AIG1: variants seen among roughly 807,000 people sequenced by gnomAD.
The protein encoded by AIG1 is androgen induced 1.
In AIG1, 23 loss-of-function variants were observed where a neutral mutation model predicts 31.4. The observed-to-expected ratio is 0.73, with a 90% CI of 0.53 to 1.04. The LOEUF (loss-of-function observed/expected upper bound fraction) is 1.04, where lower values mean the gene tolerates loss of function less well. AIG1 is among the 50% of genes least tolerant of loss of function. AIG1 has a pLI of 0.00. For missense variants in AIG1, 274 were observed against 295.0 expected, an observed-to-expected ratio of 0.93 and a Z score of 0.52; for synonymous variants, 100 against 110.5, an observed-to-expected ratio of 0.90 and a Z score of 0.60.
At chr6:143,251,127 A>T (rs529554003) in intron 3 of AIG1, among the ~76,000 whole-genome samples, 1 of 152,330 alleles carries the variant, frequency 6.6e-6, no homozygotes, top group East Asian at 1.9e-4. Flanking sequence ...ATCTCGGCTC[A>T]CTGAGACCTG....
intron 2 of AIG1, among the ~76,000 whole-genome samples, chr6:143,143,528 A>AATATATATATATATAT (rs1245695724): frequency 5.6e-3 from 155 of 27,692 alleles, no homozygotes; most frequent in South Asian, 0.014. Flanking sequence ...AAAAAAAAAA[A>AATATATATATATATAT]ATATATATAT....
At chr6:143,282,071 A>G (rs756549161) in intron 3 of AIG1, among the ~76,000 whole-genome samples, 6 of 152,234 alleles carry the variant, frequency 3.9e-5, no homozygotes, top group Non-Finnish European at 7.3e-5. Flanking sequence ...ATATGCATAC[A>G]TTTTATCACT....
In AIG1 at chr6:143,340,704, C is replaced by A. The variant is rs1332292917; in HGVS notation, c.*1028C>A. 6.6e-6 allele frequency among the ~76,000 whole-genome samples: 1 copy of A among 151,940 alleles called. No homozygotes were observed. Among genetic ancestry groups the A allele is most frequent in the African/African-American group, 2.4e-5 (1 of 41,348 alleles). ...GTCTCGATCTCCTGACCTTGTGATCCACACGCCTCGGCCTCCCAAAGTGCT... is the reference window on the plus strand; with the variant it reads ...GTCTCGATCTCCTGACCTTGTGATCAACACGCCTCGGCCTCCCAAAGTGCT... On this transcript the variant is annotated 3_prime_UTR_variant, in exon 6 of 6. Coordinates refer to ENST00000357847, the MANE Select transcript of AIG1 (RefSeq NM_016108.4).
At chr6:143,182,062 A>C (rs1348897229) in intron 3 of AIG1, among the ~76,000 whole-genome samples, 1 of 151,114 alleles carries the variant, frequency 6.6e-6, no homozygotes, top group East Asian at 1.9e-4. Context: ...ACTTTGTTGC[A>C]CAGCCCAGGC....
intron 3 of AIG1, among the ~76,000 whole-genome samples, chr6:143,249,200 A>G (rs1008088572): frequency 1.3e-5 from 2 of 152,254 alleles, no homozygotes; most frequent in African/African-American, 2.4e-5. Flanking sequence ...ACATCCAGGT[A>G]TAGAGTTGTC....
intron 3 of AIG1, among the ~76,000 whole-genome samples, chr6:143,237,446 G>C (rs1793892176): frequency 6.6e-6 from 1 of 152,170 alleles, no homozygotes; most frequent in South Asian, 2.1e-4. Context: ...CATTATGCTA[G>C]GGACTGGGGC....
At chr6:143,220,864 A>C (rs1486276496) in intron 3 of AIG1, among the ~76,000 whole-genome samples, 1 of 152,164 alleles carries the variant, frequency 6.6e-6, no homozygotes, top group Non-Finnish European at 1.5e-5. Flanking sequence ...ATCTACCACT[A>C]TGCATCTTTC....
upstream of AIG1, among the ~76,000 whole-genome samples, chr6:143,059,830 G>C (rs1776095197): frequency 6.6e-6 from 1 of 152,172 alleles, no homozygotes; most frequent in Non-Finnish European, 1.5e-5. Context: ...TTCATAATCC[G>C]AACCTGCAAC....
rs567060277 is a variant in AIG1, at chr6:143,265,908, A to G, written c.400-18202A>G. 9.8e-4 allele frequency among the ~76,000 whole-genome samples: 150 copies of G among 152,358 alleles called. 1 individual carries two copies. The highest frequency in any genetic ancestry group is 1.8e-3 in the Non-Finnish European group (123 of 68,038). On this transcript the variant is annotated intron_variant, in intron 3 of 5. Coordinates refer to ENST00000357847, the MANE Select transcript of AIG1 (RefSeq NM_016108.4). ...ACATTCCTTCCCAGCTGTTCCTTCA[A>G]GGTGCATTTCATTTCCTCAATCTCT...
intron 1 of AIG1, among the ~76,000 whole-genome samples, chr6:143,127,207 A>G (rs184434115): frequency 6.0e-4 from 91 of 152,288 alleles, no homozygotes; most frequent in African/African-American, 2.1e-3. Flanking sequence ...TTTTATCCTC[A>G]TATGGGGACT....
At chr6:143,179,544 A>G (rs1788525326) in intron 3 of AIG1, among the ~76,000 whole-genome samples, 1 of 152,234 alleles carries the variant, frequency 6.6e-6, no homozygotes, top group Non-Finnish European at 1.5e-5. Flanking sequence ...GAAAGCTTAC[A>G]GGATCTGAAA....
Position 143,338,188 on chromosome 6 carries a change from C to A in AIG1, c.680-1451C>A. The A allele has an allele frequency of 2.5e-6, 1 of 395,684 alleles. No individual in the cohort carries two copies. The highest frequency in any genetic ancestry group is 4.5e-6 in the Non-Finnish European group (1 of 224,680). 24.5% of individuals were successfully genotyped at this position (395,684 alleles called of 1,614,324 possible). A position where few individuals can be genotyped will look rare whatever the true frequency, so the allele number is the denominator to read the frequency against. The stretch of plus-strand genomic sequence containing the variant: ...CACAGGAGAGGGAATATGGACAGAG[C>A]TGAGGTTCAAGACACATGTGCTGTT... On this transcript the variant is annotated intron_variant, in intron 5 of 5. Coordinates refer to ENST00000357847, the MANE Select transcript of AIG1 (RefSeq NM_016108.4). This position sits in a 1 kb window ranked among gnomAD's most constrained non-coding sequence, Gnocchi z 4.3.
At chr6:143,316,075 G>T (rs1775718578) in intron 4 of AIG1, among the ~76,000 whole-genome samples, 1 of 152,028 alleles carries the variant, frequency 6.6e-6, no homozygotes, top group Admixed American at 6.6e-5. Context: ...TCAGCAGCAT[G>T]GCAGAATAGG....
chr6:143,106,479 A>G (rs1386614321), intron 1 of AIG1, among the ~76,000 whole-genome samples: 1 of 152,208 alleles, frequency 6.6e-6, no homozygotes, highest in African/African-American at 2.4e-5. Context: ...GGCACTCTAC[A>G]TTCATTGAGG....
intron 5 of AIG1, among the ~76,000 whole-genome samples, chr6:143,337,219 C>CA (rs538565893): frequency 9.7e-4 from 147 of 152,314 alleles, no homozygotes; most frequent in Non-Finnish European, 1.7e-3. Context: ...TCCATGCTGT[C>CA]AATGTTTCTG....
intron 1 of AIG1, among the ~76,000 whole-genome samples, chr6:143,113,000 T>A (rs772029690): frequency 1.6e-4 from 24 of 152,144 alleles, no homozygotes; most frequent in Non-Finnish European, 3.2e-4. Context: ...TAAGCCTGAC[T>A]GAGATCATAG....
intron 1 of AIG1, among the ~76,000 whole-genome samples, chr6:143,131,451 G>A (rs1783230053): frequency 6.6e-6 from 1 of 152,212 alleles, no homozygotes; most frequent in Non-Finnish European, 1.5e-5. Context: ...AGGTGGGCTT[G>A]ATTATATCAC....
At chr6:143,143,072 C>T (rs1291672970) in intron 2 of AIG1, among the ~76,000 whole-genome samples, 2 of 151,706 alleles carry the variant, frequency 1.3e-5, no homozygotes, top group African/African-American at 4.8e-5. Flanking sequence ...AATGGGAAAC[C>T]AGAAAATTAA....
intron 1 of AIG1, among the ~76,000 whole-genome samples, chr6:143,129,456 A>C (rs1431722029): frequency 6.6e-6 from 1 of 152,214 alleles, no homozygotes; most frequent in Non-Finnish European, 1.5e-5. Flanking sequence ...GAGGTCTACA[A>C]AGAGTGACAG....
Sources: allele counts gnomAD v4.1 joint callset (sites outside exome capture counted in the v4.1 genomes callset), GRCh38; gene constraint gnomAD v4.1.1; non-coding constraint Gnocchi (gnomAD v3.1); transcripts MANE v1.5; gene names NCBI Gene and HGNC (gene_info 2026-07-23, HGNC 2026-07-21).